The following RAP1GAP variants were observed in gnomAD, a reference collection of about 807,000 sequenced individuals.
The protein encoded by RAP1GAP is RAP1 GTPase activating protein, also known as rap1 GTPase-activating protein 1.
A neutral mutation model predicts 87.2 loss-of-function variants in RAP1GAP; 35 were observed. That is an observed-to-expected ratio of 0.40 (90% CI 0.31 to 0.53). RAP1GAP has a LOEUF of 0.53. Ranked by LOEUF, RAP1GAP falls within the 20% of genes least tolerant of loss-of-function variation. The probability of loss-of-function intolerance (pLI) is 0.48; values close to 1 mark genes in which losing one functional copy is unlikely to be tolerated. For synonymous variants in RAP1GAP, 375 were observed against 363.9 expected, an observed-to-expected ratio of 1.03 and a Z score of -0.35; for missense variants, 734 against 898.9, an observed-to-expected ratio of 0.82 and a Z score of 2.35.
chr1:21,644,517 C>T (rs1171333917), intron 2 of RAP1GAP, among the ~76,000 whole-genome samples: 1 of 152,162 alleles, frequency 6.6e-6, no homozygotes, highest in African/African-American at 2.4e-5. Context: ...AACCCATGAA[C>T]GTGGGCAAAG....
At position 21,603,984 on chromosome 1, in the gene RAP1GAP, G is replaced by A; in HGVS notation, c.1429-1071C>T. 1 of 1,200,466 alleles carries A rather than the reference G, an allele frequency of 8.3e-7. No individual in the cohort carries two copies. Among genetic ancestry groups the A allele is most frequent in the South Asian group, 1.5e-5 (1 of 65,848 alleles). 74.4% of individuals were successfully genotyped at this position (1,200,466 alleles called of 1,614,324 possible). On this transcript the variant is annotated intron_variant, in intron 18 of 24. Transcript: ENST00000374765. The surrounding 1 kb of genome is among the most constrained non-coding windows in gnomAD (Gnocchi z 6.0). ...GAGTCAGAGAGCAAGAGAGATGGTG[G>A]GAGGGAGACACAGAGAGGAGGAGAG...
intron 7 of RAP1GAP, among the ~76,000 whole-genome samples, chr1:21,616,787 T>TG (rs1462341733): frequency 1.3e-5 from 2 of 152,240 alleles, no homozygotes; most frequent in African/African-American, 4.8e-5. Flanking sequence ...GTCTATTGTG[T>TG]TGGCTGCTGT....
At chr1:21,639,581 C>G (rs2095304793) in intron 2 of RAP1GAP, among the ~76,000 whole-genome samples, 1 of 152,174 alleles carries the variant, frequency 6.6e-6, no homozygotes, top group African/African-American at 2.4e-5. Flanking sequence ...CTGCTGAGAG[C>G]ATTAAATGAG....
intron 1 of RAP1GAP, among the ~76,000 whole-genome samples, chr1:21,652,545 C>T (rs2096656644): frequency 6.6e-6 from 1 of 152,116 alleles, no homozygotes; most frequent in Non-Finnish European, 1.5e-5. Flanking sequence ...TTCCCCTTTG[C>T]CCTGGTGAGG....
Position 21,615,316 on chromosome 1 carries a change from G to C in RAP1GAP, c.292-1227C>G, listed in dbSNP as rs922807057. ...TGCTTCCCCCATTACCCCACCTGGA[G>C]TCAGGAAGGGGCCCTGCCATTCTGC... On this transcript the variant is annotated intron_variant, in intron 7 of 24. Coordinates refer to ENST00000374765, the MANE Select transcript of RAP1GAP (RefSeq NM_002885.4). This position sits in a 1 kb window ranked among gnomAD's most constrained non-coding sequence, Gnocchi z 4.5. Among the ~76,000 whole-genome samples, 2 of 152,178 alleles carry C rather than the reference G, an allele frequency of 1.3e-5. No individual in the cohort carries two copies. Among genetic ancestry groups the C allele is most frequent in the African/African-American group, 4.8e-5 (2 of 41,454 alleles).
chr1:21,621,304 C>T (rs1038566636), intron 3 of RAP1GAP, among the ~76,000 whole-genome samples: 11 of 152,160 alleles, frequency 7.2e-5, no homozygotes, highest in East Asian at 1.9e-4. Context: ...CTGCCTGCCC[C>T]GGCAGGGTCA....
chr1:21,628,801 T>C (rs2093056973), intron 2 of RAP1GAP, among the ~76,000 whole-genome samples: 1 of 151,636 alleles, frequency 6.6e-6, no homozygotes, highest in Non-Finnish European at 1.5e-5. Flanking sequence ...GGCAGGAGAA[T>C]TGCTTGAACC....
Position 21,620,152 on chromosome 1 carries a change from G to T in RAP1GAP, c.-18-102C>A. ...CCGGGTCCCACCAGCTCTGATCAGT[G>T]ACCGAGGCACCTGTCTGAGTAGCAA... is the stretch of plus-strand genomic sequence containing the variant. On this transcript the variant is annotated intron_variant, in intron 3 of 24. Transcript: ENST00000374765. 4.0e-6 allele frequency: 5 copies of T among 1,254,700 alleles called. No individual in the cohort carries two copies. In the South Asian group the frequency reaches 6.3e-5, roughly 16 times the overall value. 77.7% of individuals were successfully genotyped at this position (1,254,700 alleles called of 1,614,324 possible).
Position 21,609,702 on chromosome 1 carries a change from C to T in RAP1GAP, c.1000-56G>A. On this transcript the variant is annotated intron_variant, in intron 14 of 24. Transcript: ENST00000374765. This position sits in a 1 kb window ranked among gnomAD's most constrained non-coding sequence, Gnocchi z 4.4. ...GGAGCCTGGGGTCTGCTCTGCCCCACCCAGCCAGAAACCCCTACTGTGCCT... is the reference window on the plus strand; with the variant it reads ...GGAGCCTGGGGTCTGCTCTGCCCCATCCAGCCAGAAACCCCTACTGTGCCT... 4 of 1,364,950 alleles carry T rather than the reference C, an allele frequency of 2.9e-6. No individual in the cohort carries two copies. Among genetic ancestry groups the T allele is most frequent in the South Asian group, 1.7e-5 (1 of 59,248 alleles). 84.6% of individuals were successfully genotyped at this position (1,364,950 alleles called of 1,614,324 possible). A position where few individuals can be genotyped will look rare whatever the true frequency, so the allele number is the denominator to read the frequency against.
At chr1:21,625,540 G>T (rs1206074383) in intron 3 of RAP1GAP, among the ~76,000 whole-genome samples, 1 of 152,206 alleles carries the variant, frequency 6.6e-6, no homozygotes, top group African/African-American at 2.4e-5. Context: ...TCGGGCAAGT[G>T]ACTGAACCTC....
chr1:21,618,066 G>T, intron 5 of RAP1GAP, 94 bp from the exon 6 acceptor site: 1 of 1,467,804 alleles, frequency 6.8e-7, no homozygotes. Flanking sequence ...AGGGCTGAGA[G>T]TGCGGATGGG....
At chr1:21,637,859 G>A (rs528714973) in intron 2 of RAP1GAP, among the ~76,000 whole-genome samples, 2 of 151,626 alleles carry the variant, frequency 1.3e-5, no homozygotes, top group Non-Finnish European at 2.9e-5. Context: ...GGCTGGCCGG[G>A]AGTGGTGGTT....
chr1:21,656,659 T>G (rs1367174581), intron 1 of RAP1GAP, among the ~76,000 whole-genome samples: 2 of 152,118 alleles, frequency 1.3e-5, no homozygotes, highest in Non-Finnish European at 2.9e-5. Context: ...AGCCCTTCCC[T>G]AGGCAGCTGG....
At position 21,611,488 on chromosome 1, in the gene RAP1GAP, G is replaced by A. The variant is rs2078268418; in HGVS notation, c.807C>T (p.Ser269=). 5.0e-6 allele frequency: 8 copies of A among 1,614,186 alleles called. No individual in the cohort carries two copies. In the East Asian group the frequency reaches 1.8e-4, roughly 36 times the overall value. Residue 269 remains serine (S), a synonymous_variant, in exon 13 of 25, where the codon TCC becomes TCT. Transcript: ENST00000374765. ...CCCCTTCCGTGTATGGCAGCTTGGT[G>A]GACACGTGAAACATGATCTCCTTGT... The part of the protein sequence containing the change: ...FRNKEIMFHV[S]TKLPYTEGDA...
At chr1:21,654,487 TA>T (rs1401096462) in intron 1 of RAP1GAP, among the ~76,000 whole-genome samples, 4 of 152,248 alleles carry the variant, frequency 2.6e-5, no homozygotes, top group African/African-American at 9.6e-5. Flanking sequence ...TTACTAATGA[TA>T]AAGCACTGAG....
Position 21,606,126 on chromosome 1 carries a change from G to A in RAP1GAP, c.1368C>T (p.Ser456=). Residue 456 remains serine, a synonymous_variant, in exon 18 of 25, where the codon TCC becomes TCT. Coordinates refer to ENST00000374765, the MANE Select transcript of RAP1GAP (RefSeq NM_002885.4). ...GLSNKKPNTV[S]TSHSGSFAPN... The stretch of plus-strand genomic sequence containing the variant: ...GCGCGAAGCTCCCGCTGTGGCTGGT[G>A]GACACGGTGTTGGGCTTCTTGTTGC... 6.3e-7 allele frequency: 1 copy of A among 1,586,094 alleles called. No individual in the cohort carries two copies. The highest frequency in any genetic ancestry group is 1.2e-5 in the South Asian group (1 of 86,930).
chr1:21,660,347 ATTTAT>A (rs1558925501), intron 1 of RAP1GAP, among the ~76,000 whole-genome samples: 1 of 112,136 alleles, frequency 8.9e-6, no homozygotes, highest in African/African-American at 3.2e-5. Flanking sequence ...AGCTATATAT[ATTTAT>A]TGAGACAGTC....
intron 2 of RAP1GAP, among the ~76,000 whole-genome samples, chr1:21,639,264 C>T (rs557365483): frequency 3.9e-4 from 59 of 152,342 alleles, no homozygotes; most frequent in Non-Finnish European, 7.8e-4. Context: ...CAGGTGGGCA[C>T]GTCCCAGCCC....
At position 21,613,702 on chromosome 1, in the gene RAP1GAP, T is replaced by A; in HGVS notation, c.400A>T (p.Lys134Ter). 1 of 1,612,192 alleles carries A rather than the reference T, an allele frequency of 6.2e-7. No individual in the cohort carries two copies. ...ATGACATCATGGTATGTCCGGCACT[T>A]GGTCCTGAGAAGAGAAAGTCACACG... ...QEHLRLLLRTKCRTYHDVIPI... is the reference protein window; with the variant it reads ...QEHLRLLLRT The change falls in exon 9 of 25, where the codon AAG becomes TAG. Residue 134 changes from lysine to a stop codon, truncating the protein, a stop_gained. Coordinates refer to ENST00000374765, the MANE Select transcript of RAP1GAP (RefSeq NM_002885.4). LOFTEE classifies it high-confidence loss of function. The surrounding 1 kb of genome is among the most constrained non-coding windows in gnomAD (Gnocchi z 4.7).
Sources: gnomAD v4.1 joint callset for allele counts (sites outside exome capture counted in the v4.1 genomes callset) on GRCh38, gnomAD v4.1.1 for gene constraint, Gnocchi (gnomAD v3.1) non-coding constraint, MANE v1.5 for transcripts, NCBI Gene and HGNC (gene_info 2026-07-23, HGNC 2026-07-21) for gene names.